RBFOX1: variants seen among roughly 807,000 people sequenced by gnomAD.
RBFOX1 encodes RNA binding fox-1 homolog 1.
Under a neutral mutation model 57.7 loss-of-function variants are expected in RBFOX1, and 8 were observed. The ratio of observed to expected loss-of-function variants is 0.14; its 90% confidence interval spans 0.08 to 0.25. The LOEUF (loss-of-function observed/expected upper bound fraction) is 0.25. Among genes scored for constraint, RBFOX1 ranks in the 10% least tolerant of loss-of-function variants. RBFOX1 has a pLI of 1.00. For synonymous variants in RBFOX1, 326 were observed against 222.4 expected (o/e 1.47, Z -4.15); for missense variants, 611 against 548.5 (o/e 1.11, Z -1.14).
chr16:5,912,755 A>G (rs1048509012), intron 4 of RBFOX1, among the ~76,000 whole-genome samples: 2 of 152,230 alleles, frequency 1.3e-5, no homozygotes, highest in Non-Finnish European at 2.9e-5. Context: ...GTTAAGAAAA[A>G]ATAATTACAG....
intron 3 of RBFOX1, among the ~76,000 whole-genome samples, chr16:6,960,460 G>A (rs976189747): frequency 2.6e-5 from 4 of 152,118 alleles, no homozygotes; most frequent in African/African-American, 7.2e-5. Flanking sequence ...TTGTCTCCCA[G>A]TTCTCGTGTA....
intron 2 of RBFOX1, among the ~76,000 whole-genome samples, chr16:6,492,294 G>C (rs1441565877): frequency 1.3e-5 from 2 of 152,174 alleles, no homozygotes; most frequent in Admixed American, 1.3e-4. Flanking sequence ...AAGTAGGCTG[G>C]GCACGATGGC....
At chr16:5,331,996 A>G (rs1474922046) in intron 1 of RBFOX1, among the ~76,000 whole-genome samples, 1 of 152,202 alleles carries the variant, frequency 6.6e-6, no homozygotes, top group African/African-American at 2.4e-5. Context: ...ACCTATTTCT[A>G]GCCTCTGATT....
rs182024447 is a variant in RBFOX1 at position 6,473,501 on chromosome 16, C to T, written c.-64+156444C>T. On this transcript the variant is annotated intron_variant, in intron 2 of 15. Transcript: ENST00000550418. ...CATCTCCTTGTTTCTTATCTGTCTC[C>T]CTCACTAGAACATAAGCTACATGAG... 2.0e-5 allele frequency among the ~76,000 whole-genome samples: 3 copies of T among 152,146 alleles called. No homozygotes were observed. In the East Asian group the frequency reaches 5.8e-4, roughly 30 times the overall value.
intron 4 of RBFOX1, among the ~76,000 whole-genome samples, chr16:7,308,549 T>C (rs1432660572): frequency 6.6e-6 from 1 of 152,182 alleles, no homozygotes; most frequent in Non-Finnish European, 1.5e-5. Context: ...TATTCGAAGA[T>C]TGGTAATTTT....
At chr16:6,461,206 C>A (rs1008180938) in intron 2 of RBFOX1, among the ~76,000 whole-genome samples, 1 of 152,118 alleles carries the variant, frequency 6.6e-6, no homozygotes, top group Admixed American at 6.5e-5. Flanking sequence ...TCATGGCACG[C>A]ATTTACCTAT....
At chr16:6,055,574 C>G (rs375404444) in intron 1 of RBFOX1, among the ~76,000 whole-genome samples, 42 of 111,532 alleles carry the variant, frequency 3.8e-4, no homozygotes, top group Admixed American at 2.8e-3. Flanking sequence ...GCTTGGGCAA[C>G]AGAGTGAGAC....
rs149148402 is a variant in RBFOX1 at position 5,673,114 on chromosome 16, G to A, written c.318+74153G>A. Among the ~76,000 whole-genome samples, 902 of 152,170 alleles carry A rather than the reference G, an allele frequency of 5.9e-3. 9 individuals are homozygous for A. Among genetic ancestry groups the A allele is most frequent in the African/African-American group, 0.021 (872 of 41,510 alleles). On this transcript the variant is annotated intron_variant, in intron 3 of 19. Transcript: ENST00000641259. The stretch of plus-strand genomic sequence containing the variant: ...TCTCTGCATCCTTTGGAAAAGCAGG[G>A]CACGCATTTTCCTGCTGACACACAC...
intron 3 of RBFOX1, among the ~76,000 whole-genome samples, chr16:6,953,135 T>G (rs112908612): frequency 0.017 from 2,589 of 152,186 alleles, 76 homozygotes; most frequent in African/African-American, 0.059. Context: ...CTTAGGTGTA[T>G]GTATGCCTCT....
At chr16:6,336,789 G>T (rs1192070777) in intron 2 of RBFOX1, among the ~76,000 whole-genome samples, 1 of 152,178 alleles carries the variant, frequency 6.6e-6, no homozygotes, top group East Asian at 1.9e-4. Context: ...AAGACTGGAT[G>T]TATAGCTGCA....
chr16:6,322,374 C>G (rs1413999107), intron 2 of RBFOX1, among the ~76,000 whole-genome samples: 1 of 152,180 alleles, frequency 6.6e-6, no homozygotes, highest in Non-Finnish European at 1.5e-5. Context: ...TGGGCAAGTT[C>G]ATCTCTTGAT....
At chr16:6,666,056 G>A (rs577559153) in intron 3 of RBFOX1, among the ~76,000 whole-genome samples, 6 of 152,062 alleles carry the variant, frequency 3.9e-5, no homozygotes, top group African/African-American at 9.7e-5. Context: ...AACCCCTTTC[G>A]CTTGTTTTTC....
intron 4 of RBFOX1, among the ~76,000 whole-genome samples, chr16:7,071,594 T>C (rs1018645790): frequency 1.5e-4 from 4 of 27,052 alleles, no homozygotes; most frequent in Admixed American, 6.2e-4. Flanking sequence ...GATATGTGTG[T>C]GTGTGTGTGT....
intron 4 of RBFOX1, among the ~76,000 whole-genome samples, chr16:7,258,594 A>C (rs775581131): frequency 6.6e-6 from 1 of 152,232 alleles, no homozygotes; most frequent in Admixed American, 6.5e-5. Flanking sequence ...TGAGATTCAT[A>C]TTAGAGATCT....
At position 5,401,059 on chromosome 16, in the gene RBFOX1, A is replaced by T. The variant is rs914732447; in HGVS notation, c.220-66157A>T. On this transcript the variant is annotated intron_variant, in intron 1 of 2. Coordinates refer to the RBFOX1 transcript ENST00000585867. ...GTATTTTTATGATGGTTCAAAGGAGATTTTTTAAAAATTTTAAGGTCATCA... is the reference window on the plus strand; with the variant it reads ...GTATTTTTATGATGGTTCAAAGGAGTTTTTTTAAAAATTTTAAGGTCATCA... Among the ~76,000 whole-genome samples the T allele has an allele frequency of 2.6e-5, 4 of 152,154 alleles. No individual in the cohort carries two copies. The East Asian group carries it at 5.8e-4, about 22-fold the overall frequency.
At chr16:6,937,218 T>C (rs1368675659) in intron 3 of RBFOX1, among the ~76,000 whole-genome samples, 1 of 152,112 alleles carries the variant, frequency 6.6e-6, no homozygotes, top group Non-Finnish European at 1.5e-5. Flanking sequence ...GAAATCAAAA[T>C]AGTATAATGA....
intron 4 of RBFOX1, among the ~76,000 whole-genome samples, chr16:7,417,980 C>A (rs930636146): frequency 6.6e-5 from 10 of 152,104 alleles, no homozygotes; most frequent in Non-Finnish European, 1.5e-4. Flanking sequence ...CCACAACCAC[C>A]CTCATCCCAC....
chr16:7,592,210 C>T lies in RBFOX1; in HGVS notation c.469-3339C>T, dbSNP rs571401000. Among the ~76,000 whole-genome samples, 11 of 152,158 alleles carry T rather than the reference C, an allele frequency of 7.2e-5. No homozygotes were observed. In the East Asian group the frequency reaches 1.2e-3, roughly 16 times the overall value. On this transcript the variant is annotated intron_variant, in intron 7 of 15. Transcript: ENST00000550418. The stretch of plus-strand genomic sequence containing the variant: ...GACAAGCAAAGAGAGAAAGAAGTTT[C>T]GCAGAAAAACAATGAGAATAATAAA...
intron 1 of RBFOX1, among the ~76,000 whole-genome samples, chr16:6,073,975 G>T (rs1300367559): frequency 6.6e-6 from 1 of 152,070 alleles, no homozygotes; most frequent in Non-Finnish European, 1.5e-5. Flanking sequence ...CTGAGACAGA[G>T]TCTCACTCTG....
Sources: allele counts gnomAD v4.1 joint callset (sites outside exome capture counted in the v4.1 genomes callset), GRCh38; gene constraint gnomAD v4.1.1; transcripts MANE v1.5; gene names NCBI Gene and HGNC (gene_info 2026-07-23, HGNC 2026-07-21).